Variants in CACNA1B observed in about 807,000 individuals in gnomAD.
CACNA1B encodes calcium voltage-gated channel subunit alpha1 B.
A neutral mutation model predicts 247.2 loss-of-function variants in CACNA1B; 70 were observed. The ratio of observed to expected loss-of-function variants is 0.28; its 90% confidence interval spans 0.23 to 0.35. CACNA1B has a LOEUF of 0.35. Ranked by LOEUF, CACNA1B falls within the 10% of genes least tolerant of loss-of-function variation. CACNA1B has a pLI of 1.00. For missense variants in CACNA1B, 2,367 were observed against 3,197.4 expected (o/e 0.74, Z 6.26); for synonymous variants, 1,231 against 1,294.4 (o/e 0.95, Z 1.05).
rs1220318631 is a variant in CACNA1B at position 137,957,769 on chromosome 9, C to T, written c.1333+82C>T. The T allele has an allele frequency of 1.4e-5, 14 of 986,024 alleles. No individual in the cohort carries two copies. Among genetic ancestry groups the T allele is most frequent in the East Asian group, 2.8e-5 (1 of 35,292 alleles). The allele number at this position is 986,024 out of a possible 1,614,324, so 61.1% of individuals were successfully genotyped here. A position where few individuals can be genotyped will look rare whatever the true frequency, so the allele number is the denominator to read the frequency against. On this transcript the variant is annotated intron_variant, in intron 10 of 46. Transcript: ENST00000371372. The surrounding 1 kb of genome is among the most constrained non-coding windows in gnomAD (Gnocchi z 4.7). ...TGCTCCGCTTCCCCTGCTACCCAGC[C>T]ACTGTTGGACGCCCCTTCTTGCCCA...
At chr9:138,116,892 G>C (rs750849734) in intron 42 of CACNA1B, among the ~76,000 whole-genome samples, 1 of 152,222 alleles carries the variant, frequency 6.6e-6, no homozygotes, top group Non-Finnish European at 1.5e-5. Context: ...CATGGAAGGA[G>C]AGCTGCTTGC....
At chr9:138,053,059 A>G (rs1242159611) in intron 25 of CACNA1B, among the ~76,000 whole-genome samples, 1 of 152,238 alleles carries the variant, frequency 6.6e-6, no homozygotes, top group East Asian at 1.9e-4. Flanking sequence ...GGCTGATGAC[A>G]GGGCGGCCTC....
intron 10 of CACNA1B, among the ~76,000 whole-genome samples, chr9:137,966,072 T>C (rs1958072095): frequency 6.6e-6 from 1 of 152,202 alleles, no homozygotes; most frequent in South Asian, 2.1e-4. Flanking sequence ...CTTGTCGACA[T>C]TGAATGTCAT....
chr9:138,077,477 G>A (rs766606376), intron 35 of CACNA1B, among the ~76,000 whole-genome samples: 1 of 151,978 alleles, frequency 6.6e-6, no homozygotes, highest in African/African-American at 2.4e-5. Flanking sequence ...GGGCAGTCAT[G>A]TGGATTTTGG....
intron 10 of CACNA1B, among the ~76,000 whole-genome samples, chr9:137,960,965 C>T (rs1456582106): frequency 6.6e-6 from 1 of 151,808 alleles, no homozygotes; most frequent in Non-Finnish European, 1.5e-5. Context: ...TAATCAGTAA[C>T]GTTGGTTTTT....
At position 138,120,691 on chromosome 9, in the gene CACNA1B, G is replaced by C. The variant is rs760369506; in HGVS notation, c.6299G>C (p.Arg2100Pro). The change falls in exon 46 of 47, where the codon CGG becomes CCG. Residue 2100 changes from arginine (R) to proline (P), a missense_variant. Physicochemically the swap from Arg to Pro is moderately radical, Grantham distance 103. This residue lies in a region of CACNA1B where 773 missense variants were observed against 779.4 expected (regional missense o/e 0.99). Coordinates refer to ENST00000371372, the MANE Select transcript of CACNA1B (RefSeq NM_000718.4). ...PPGEGPTGCRRERERRQERGR... is the reference protein window; with the variant it reads ...PPGEGPTGCRPERERRQERGR... ...GGAGAGGGGCCTACAGGCTGCCGGC[G>C]GGAACGAGAGCGCCGGCAGGAGCGG... 4 of 1,516,432 alleles carry C rather than the reference G, an allele frequency of 2.6e-6. No individual in the cohort carries two copies. In the African/African-American group the frequency reaches 5.7e-5, roughly 22 times the overall value. The allele number at this position is 1,516,432 out of a possible 1,614,324, so 93.9% of individuals were successfully genotyped here.
chr9:137,909,719 T>TAGA (rs1427373777), intron 3 of CACNA1B, among the ~76,000 whole-genome samples: 3 of 152,324 alleles, frequency 2.0e-5, no homozygotes, highest in African/African-American at 7.2e-5. Context: ...GATATATAGC[T>TAGA]AGAAGGGGAA....
Position 137,969,708 on chromosome 9 carries a change from G to C in CACNA1B, c.1334-1675G>C, listed in dbSNP as rs757863571. ...TCTCATTGGATCTTCAAAAGTGAGC[G>C]TGGTCAGGCTGGATGTGTGCTGTGA... On this transcript the variant is annotated intron_variant, in intron 10 of 46. Coordinates refer to ENST00000371372, the MANE Select transcript of CACNA1B (RefSeq NM_000718.4). Among the ~76,000 whole-genome samples the C allele has an allele frequency of 2.0e-5, 3 of 152,308 alleles. No homozygotes were observed. The South Asian group carries it at 6.2e-4, about 32-fold the overall frequency.
intron 18 of CACNA1B, among the ~76,000 whole-genome samples, chr9:138,017,950 C>G: frequency 8.5e-6 from 1 of 117,954 alleles, no homozygotes; most frequent in South Asian, 2.7e-4. Flanking sequence ...GCAGTTAGGC[C>G]ACCTGCCCTG....
chr9:137,942,242 A>T (rs1271322995), intron 6 of CACNA1B, among the ~76,000 whole-genome samples: 1 of 152,376 alleles, frequency 6.6e-6, no homozygotes, highest in East Asian at 1.9e-4. Context: ...ATCACTAATG[A>T]TTAGGGAAAT....
intron 38 of CACNA1B, among the ~76,000 whole-genome samples, chr9:138,103,214 G>A (rs1281984094): frequency 6.6e-6 from 1 of 152,200 alleles, no homozygotes; most frequent in Non-Finnish European, 1.5e-5. Context: ...TGGTATGGAT[G>A]GAGCTGTCCA....
chr9:138,122,490 A>G lies in CACNA1B; in HGVS notation c.*491A>G, dbSNP rs199959438. On this transcript the variant is annotated 3_prime_UTR_variant, in exon 47 of 47. Transcript: ENST00000371372. The stretch of plus-strand genomic sequence containing the variant: ...GTGGCTTGTGCAGCCCGCCAGTGTC[A>G]GCGAATGCTCACTCAGGCAAGCTCT... The G allele has an allele frequency of 1.9e-5, 3 of 160,412 alleles. No individual in the cohort carries two copies. The South Asian group carries it at 5.7e-4, about 31-fold the overall frequency. 9.9% of individuals were successfully genotyped at this position (160,412 alleles called of 1,614,324 possible). A position where few individuals can be genotyped will look rare whatever the true frequency, so the allele number is the denominator to read the frequency against.
chr9:137,964,885 TTTGTTG>T (rs1156509252), intron 10 of CACNA1B, among the ~76,000 whole-genome samples: 1 of 152,162 alleles, frequency 6.6e-6, no homozygotes, highest in Non-Finnish European at 1.5e-5. Flanking sequence ...GTTTTTGTGT[TTTGTTG>T]TTGTTGTTGT....
chr9:138,090,701 C>CA lies in CACNA1B; in HGVS notation c.5095-5750dup, dbSNP rs1173964720. Among the ~76,000 whole-genome samples the CA allele has an allele frequency of 9.9e-3, 164 of 16,572 alleles. 13 individuals are homozygous for CA. The highest frequency in any genetic ancestry group is 0.017 in the South Asian group (3 of 176). The allele number at this position is 16,572 out of a possible 152,430, so 10.9% of individuals were successfully genotyped here. A position where few individuals can be genotyped will look rare whatever the true frequency, so the allele number is the denominator to read the frequency against. On this transcript the variant is annotated intron_variant, in intron 36 of 46. Coordinates refer to ENST00000371372, the MANE Select transcript of CACNA1B (RefSeq NM_000718.4). ...TACAAGGTGAAACTCAACCCATCAG[C>CA]AAAAAAAAAAAAAAAAAAAAAAAAA...
At chr9:137,905,465 A>G (rs1377133016) in intron 3 of CACNA1B, among the ~76,000 whole-genome samples, 1 of 152,118 alleles carries the variant, frequency 6.6e-6, no homozygotes, top group Non-Finnish European at 1.5e-5. Context: ...ATCCTATTTT[A>G]TAAACTTAAG....
Position 138,059,130 on chromosome 9 carries a change from G to A in CACNA1B, c.4525G>A (p.Val1509Met), listed in dbSNP as rs141513326. 4.3e-6 allele frequency: 7 copies of A among 1,613,168 alleles called. No homozygotes were observed. The Admixed American group carries it at 5.0e-5, about 12-fold the overall frequency. Reference protein sequence around the residue: ...YELMLKCLNIVFTSMFSMECV... With the variant: ...YELMLKCLNIMFTSMFSMECV... ...GCTGATGCTGAAATGCCTGAACATC[G>A]TGTTCACATCCATGTTCTCCATGGA... The change falls in exon 30 of 47, where the codon GTG becomes ATG. Residue 1509 changes from valine to methionine, a missense_variant. Val to Met is a conservative substitution (Grantham distance 21, BLOSUM62 1). Coordinates refer to ENST00000371372, the MANE Select transcript of CACNA1B (RefSeq NM_000718.4). This position sits in a 1 kb window ranked among gnomAD's most constrained non-coding sequence, Gnocchi z 4.2.
rs960695081 is a variant in CACNA1B, at chr9:138,023,264, G to T, written c.2521G>T (p.Ala841Ser). The change falls in exon 19 of 47, where the codon GCC becomes TCC. Residue 841 changes from alanine to serine, a missense_variant. This residue lies in a region of CACNA1B where 631 missense variants were observed against 631.1 expected (regional missense o/e 1.00). Transcript: ENST00000371372. ...CAAAGCCCGACCTGAGGCTGCGGAG[G>T]CCCCCGAGGGCGTCGACCCTCCGCG... The part of the protein sequence containing the change: ...GGKARPEAAE[A>S]PEGVDPPRRH... 3 of 1,514,058 alleles carry T rather than the reference G, an allele frequency of 2.0e-6. No homozygotes were observed. The African/African-American group carries it at 4.3e-5, about 22-fold the overall frequency. 93.8% of individuals were successfully genotyped at this position (1,514,058 alleles called of 1,614,324 possible).
At position 138,058,287 on chromosome 9, in the gene CACNA1B, C is replaced by T. The variant is rs199518903; in HGVS notation, c.4308+37C>T. On this transcript the variant is annotated intron_variant, in intron 28 of 46. Coordinates refer to ENST00000371372, the MANE Select transcript of CACNA1B (RefSeq NM_000718.4). This position sits in a 1 kb window ranked among gnomAD's most constrained non-coding sequence, Gnocchi z 4.7. ...CTCTGTGGAGTCTTGCAGTGGACAG[C>T]GTGGGCAGCGCCATCAGGCTTCCCT... 31 of 1,513,520 alleles carry T rather than the reference C, an allele frequency of 2.0e-5. No individual in the cohort carries two copies. Among genetic ancestry groups the T allele is most frequent in the Middle Eastern group, 1.7e-4 (1 of 5,872 alleles). The allele number at this position is 1,513,520 out of a possible 1,614,324, so 93.8% of individuals were successfully genotyped here. A position where few individuals can be genotyped will look rare whatever the true frequency, so the allele number is the denominator to read the frequency against.
Position 138,083,212 on chromosome 9 carries a change from A to C in CACNA1B, c.5094+4954A>C, listed in dbSNP as rs112360779. ...ACCTAGGAGTTGGAACTAGAGCGGG[A>C]GTGTGACTTGCTCCTGGAGTAGCCG... On this transcript the variant is annotated intron_variant, in intron 36 of 46. Transcript: ENST00000371372. Among the ~76,000 whole-genome samples, 190 of 151,098 alleles carry C rather than the reference A, an allele frequency of 1.3e-3. 9 individuals are homozygous for C. Among genetic ancestry groups the C allele is most frequent in the African/African-American group, 4.2e-3 (170 of 40,840 alleles).
Sources: allele counts gnomAD v4.1 joint callset (sites outside exome capture counted in the v4.1 genomes callset), GRCh38; gene constraint gnomAD v4.1.1; regional missense constraint gnomAD v4.1.1; non-coding constraint Gnocchi (gnomAD v3.1); transcripts MANE v1.5; gene names NCBI Gene and HGNC (gene_info 2026-07-23, HGNC 2026-07-21).